The following CYFIP1 variants were observed in gnomAD, a reference collection of about 807,000 sequenced individuals.
CYFIP1 encodes the protein cytoplasmic FMR1 interacting protein 1.
CYFIP1 carries 58 observed loss-of-function variants against 163.5 expected under a neutral mutation model. The ratio of observed to expected loss-of-function variants is 0.35; its 90% confidence interval spans 0.29 to 0.44. The LOEUF (loss-of-function observed/expected upper bound fraction) is 0.44, where lower values mean the gene tolerates loss of function less well. Ranked by LOEUF, CYFIP1 falls within the 20% of genes least tolerant of loss-of-function variation. The probability of loss-of-function intolerance (pLI) is 1.00; values close to 1 mark genes in which losing one functional copy is unlikely to be tolerated. For synonymous variants in CYFIP1, 663 were observed against 660.7 expected, an observed-to-expected ratio of 1.00 and a Z score of -0.05; for missense variants, 1,338 against 1,653.8, an observed-to-expected ratio of 0.81 and a Z score of 3.31.
In CYFIP1 at chr15:22,927,153, A is replaced by G. The variant is rs1181396831; in HGVS notation, c.1233+753T>C. Among the ~76,000 whole-genome samples, 3 of 152,070 alleles carry G rather than the reference A, an allele frequency of 2.0e-5. No individual in the cohort carries two copies. The East Asian group carries it at 5.8e-4, about 29-fold the overall frequency. On this transcript the variant is annotated intron_variant, in intron 12 of 30. Coordinates refer to ENST00000617928, the MANE Select transcript of CYFIP1 (RefSeq NM_014608.6). ...GGAGTTTGAGACCAGCCTGGCCCAC[A>G]CGGCGAGACTGTCTGTACAAAAAAA...
chr15:22,898,582 G>A (rs1025181535), intron 22 of CYFIP1, among the ~76,000 whole-genome samples: 45 of 152,170 alleles, frequency 3.0e-4, no homozygotes, highest in Admixed American at 1.6e-3. Flanking sequence ...TCACTCAGGC[G>A]GGCGTGCAGC....
Position 22,946,830 on chromosome 15 carries a change from T to C in CYFIP1, c.207+173A>G, listed in dbSNP as rs768397078. Reference sequence around the variant, plus strand: ...ATTGAATTTTCAGAACCAGCATGTATTGTTTTTACACTAAGAAAAGCAAAG... The same window carrying C: ...ATTGAATTTTCAGAACCAGCATGTACTGTTTTTACACTAAGAAAAGCAAAG... On this transcript the variant is annotated intron_variant, in intron 3 of 30. Transcript: ENST00000617928. The C allele has an allele frequency of 9.6e-6, 7 of 725,810 alleles. No individual in the cohort carries two copies. The East Asian group carries it at 1.3e-4, about 14-fold the overall frequency. 45.0% of individuals were successfully genotyped at this position (725,810 alleles called of 1,614,324 possible).
At chr15:22,908,718 G>A (rs182667152) in intron 21 of CYFIP1, among the ~76,000 whole-genome samples, 2,102 of 151,508 alleles carry the variant, frequency 0.014, 53 homozygotes, top group African/African-American at 0.046. Flanking sequence ...TAGTGGAGAT[G>A]GGGTTTCACT....
chr15:22,978,456 T>C (rs1159479249), intron 1 of CYFIP1, among the ~76,000 whole-genome samples: 2 of 150,444 alleles, frequency 1.3e-5, no homozygotes, highest in African/African-American at 4.9e-5. Context: ...CATGTAAAGA[T>C]TGCTAAGATC....
intron 26 of CYFIP1, 67 bp downstream of exon 26, chr15:22,879,846 C>T: frequency 7.7e-7 from 1 of 1,301,372 alleles, no homozygotes. Context: ...AGAAAGCCCT[C>T]CCCTGGCCGG....
At chr15:22,911,725 A>C (rs892417908) in intron 18 of CYFIP1, among the ~76,000 whole-genome samples, 2 of 152,182 alleles carry the variant, frequency 1.3e-5, no homozygotes, top group African/African-American at 4.8e-5. Context: ...CTTTGTGAGA[A>C]GGCAGAGGAG....
Position 22,917,310 on chromosome 15 carries a change from C to G in CYFIP1, c.1674+478G>C. The G allele has an allele frequency of 7.5e-7, 1 of 1,326,176 alleles. No individual in the cohort carries two copies. The highest frequency in any genetic ancestry group is 9.6e-7 in the Non-Finnish European group (1 of 1,042,130). 82.2% of individuals were successfully genotyped at this position (1,326,176 alleles called of 1,614,324 possible). A position where few individuals can be genotyped will look rare whatever the true frequency, so the allele number is the denominator to read the frequency against. ...GACAGACGCAGCGGTGTGGATTAAACCGGGTGTGAAAGTCGTGAGAAGCAC... is the reference window on the plus strand; with the variant it reads ...GACAGACGCAGCGGTGTGGATTAAAGCGGGTGTGAAAGTCGTGAGAAGCAC... On this transcript the variant is annotated intron_variant, in intron 15 of 30. Coordinates refer to ENST00000617928, the MANE Select transcript of CYFIP1 (RefSeq NM_014608.6). The surrounding 1 kb of genome is among the most constrained non-coding windows in gnomAD (Gnocchi z 4.2).
chr15:22,912,420 G>A, intron 17 of CYFIP1, 145 bp from the exon 18 acceptor site: 1 of 574,526 alleles, frequency 1.7e-6, no homozygotes, highest in South Asian at 2.6e-5. Context: ...CAGTCCTCCT[G>A]TGAAAGCACG....
chr15:22,872,623 C>T (rs1461959517), intron 30 of CYFIP1: 18 of 556,646 alleles, frequency 3.2e-5, no homozygotes, highest in East Asian at 1.2e-4. Context: ...AGAAGGAAAA[C>T]GGAACAATGA....
Position 22,872,936 on chromosome 15 carries a change from A to C in CYFIP1, c.3486T>G (p.Cys1162Trp). 1 of 1,614,110 alleles carries C rather than the reference A, an allele frequency of 6.2e-7. No homozygotes were observed. The highest frequency in any genetic ancestry group is 2.2e-5 in the East Asian group (1 of 44,886). The change falls in exon 30 of 31, where the codon TGT becomes TGG. Residue 1162 changes from cysteine to tryptophan, a missense_variant. Around this residue, in one of 4 missense-constraint regions of CYFIP1, gnomAD observed 306 missense variants for 322.1 expected, o/e 0.95. Coordinates refer to ENST00000617928, the MANE Select transcript of CYFIP1 (RefSeq NM_014608.6). ...CFGDGLHWAG[C>W]MIIVLLGQQR... Reference sequence around the variant, plus strand: ...GCTGCCCAAGAAGTACGATGATCATACAGCCAGCCCAGTGTAGCCCATCAC... The same window carrying C: ...GCTGCCCAAGAAGTACGATGATCATCCAGCCAGCCCAGTGTAGCCCATCAC...
chr15:22,953,281 T>C (rs1238616102), intron 1 of CYFIP1, among the ~76,000 whole-genome samples: 1 of 152,148 alleles, frequency 6.6e-6, no homozygotes, highest in African/African-American at 2.4e-5. Context: ...ACATCAGAGC[T>C]CATGTCTCAT....
At chr15:22,956,136 G>A (rs951044849) in intron 1 of CYFIP1, among the ~76,000 whole-genome samples, 3 of 152,138 alleles carry the variant, frequency 2.0e-5, no homozygotes, top group Non-Finnish European at 4.4e-5. Flanking sequence ...GAACCCAGGA[G>A]GCGGAGGTTG....
intron 16 of CYFIP1, 197 bp from the exon 17 acceptor site, chr15:22,915,079 G>A (rs888180536): frequency 8.2e-6 from 4 of 484,968 alleles, no homozygotes; most frequent in Non-Finnish European, 1.4e-5. Context: ...TGCAGGTAAA[G>A]CCACCTCATC....
intron 20 of CYFIP1, among the ~76,000 whole-genome samples, chr15:22,910,178 A>G (rs561365682): frequency 6.6e-6 from 1 of 151,368 alleles, no homozygotes; most frequent in Admixed American, 6.6e-5. Context: ...TTTTTTTGAG[A>G]CGGAGTCTTG....
chr15:22,961,791 C>T (rs2062691263), intron 1 of CYFIP1, among the ~76,000 whole-genome samples: 2 of 152,174 alleles, frequency 1.3e-5, no homozygotes, highest in South Asian at 2.1e-4. Context: ...ACTTACTATA[C>T]TAACAACGTT....
chr15:22,873,514 C>G lies in CYFIP1; in HGVS notation c.3426G>C (p.Val1142=). The change falls in exon 29 of 31, where the codon GTG becomes GTC. Residue 1142 remains valine, a synonymous_variant. Coordinates refer to ENST00000617928, the MANE Select transcript of CYFIP1 (RefSeq NM_014608.6). ...ACTCGACTGTGAACTCGTGTGTCCCCACGGGAATGCAGTAGACAAACTGCA... is the reference window on the plus strand; with the variant it reads ...ACTCGACTGTGAACTCGTGTGTCCCGACGGGAATGCAGTAGACAAACTGCA... ...SAMQFVYCIP[V]GTHEFTVEQC... The G allele has an allele frequency of 1.2e-6, 2 of 1,614,066 alleles. No homozygotes were observed. The highest frequency in any genetic ancestry group is 1.7e-6 in the Non-Finnish European group (2 of 1,179,920).
intron 1 of CYFIP1, among the ~76,000 whole-genome samples, chr15:22,976,202 G>A (rs2063271918): frequency 6.6e-6 from 1 of 151,564 alleles, no homozygotes; most frequent in African/African-American, 2.4e-5. Context: ...CTGTTGCCCA[G>A]GCTGGACTGC....
At chr15:22,897,397 T>C (rs2060270606) in intron 22 of CYFIP1, among the ~76,000 whole-genome samples, 1 of 151,874 alleles carries the variant, frequency 6.6e-6, no homozygotes, top group Admixed American at 6.5e-5. Context: ...CTTGTCATGA[T>C]GAATTTTTGG....
chr15:22,879,246 C>G (rs1282147300), intron 26 of CYFIP1, among the ~76,000 whole-genome samples: 2 of 152,148 alleles, frequency 1.3e-5, no homozygotes, highest in African/African-American at 2.4e-5. Flanking sequence ...TCGTTAGTCA[C>G]GATGGAAGGC....
Sources: allele counts gnomAD v4.1 joint callset (sites outside exome capture counted in the v4.1 genomes callset), GRCh38; gene constraint gnomAD v4.1.1; regional missense constraint gnomAD v4.1.1; non-coding constraint Gnocchi (gnomAD v3.1); transcripts MANE v1.5; gene names NCBI Gene and HGNC (gene_info 2026-07-23, HGNC 2026-07-21).